SLC24A3: variants seen among roughly 807,000 people sequenced by gnomAD.
SLC24A3 encodes the protein sodium/potassium/calcium exchanger 3.
SLC24A3 carries 28 observed loss-of-function variants against 75.8 expected under a neutral mutation model. The ratio of observed to expected loss-of-function variants is 0.37; its 90% CI spans 0.27 to 0.51. The LOEUF (loss-of-function observed/expected upper bound fraction) is 0.51, where lower values mean the gene tolerates loss of function less well. SLC24A3 is among the 20% of genes least tolerant of loss of function. The pLI is 0.94. For missense variants in SLC24A3, 663 were observed against 847.8 expected, an observed-to-expected ratio of 0.78 and a Z score of 2.71; for synonymous variants, 372 against 334.1, an observed-to-expected ratio of 1.11 and a Z score of -1.24.
At chr20:19,598,921 C>G (rs1017172084) in intron 6 of SLC24A3, among the ~76,000 whole-genome samples, 1 of 151,660 alleles carries the variant, frequency 6.6e-6, no homozygotes, top group Non-Finnish European at 1.5e-5. Context: ...CACACACACA[C>G]GCACACACAC....
intron 2 of SLC24A3, among the ~76,000 whole-genome samples, chr20:19,291,091 C>T (rs1983930937): frequency 6.6e-6 from 1 of 152,172 alleles, no homozygotes; most frequent in South Asian, 2.1e-4. Flanking sequence ...TCAGCACTTG[C>T]CACTCCCACC....
intron 6 of SLC24A3, among the ~76,000 whole-genome samples, chr20:19,595,192 T>A (rs765315076): frequency 2.6e-5 from 4 of 152,176 alleles, no homozygotes; most frequent in Non-Finnish European, 5.9e-5. Flanking sequence ...AAATGCATGA[T>A]GTGTCTAAGC....
intron 2 of SLC24A3, among the ~76,000 whole-genome samples, chr20:19,312,410 A>C (rs2122262823): frequency 6.6e-6 from 1 of 152,272 alleles, no homozygotes; most frequent in Admixed American, 6.5e-5. Context: ...AAACTTGAAG[A>C]ATCATTTAAG....
chr20:19,575,826 C>A (rs922845763), intron 3 of SLC24A3, among the ~76,000 whole-genome samples: 1 of 152,162 alleles, frequency 6.6e-6, no homozygotes, highest in Non-Finnish European at 1.5e-5. Context: ...TGACAGGCAG[C>A]CCCAAAAAGT....
chr20:19,523,615 C>T (rs1209588609), intron 3 of SLC24A3, among the ~76,000 whole-genome samples: 2 of 152,212 alleles, frequency 1.3e-5, no homozygotes, highest in East Asian at 3.8e-4. Context: ...GGATATAAAG[C>T]ATGACGGCTT....
chr20:19,713,701 A>T (rs1168935228), intron 15 of SLC24A3, among the ~76,000 whole-genome samples: 1 of 152,112 alleles, frequency 6.6e-6, no homozygotes, highest in Non-Finnish European at 1.5e-5. Flanking sequence ...AAGGAAGTGG[A>T]CCCAGCCCCC....
intron 15 of SLC24A3, among the ~76,000 whole-genome samples, chr20:19,712,861 G>A (rs571106870): frequency 7.9e-5 from 12 of 152,286 alleles, no homozygotes; most frequent in East Asian, 5.8e-4. Context: ...AAAATGATGC[G>A]GATATAAAAG....
intron 2 of SLC24A3, among the ~76,000 whole-genome samples, chr20:19,382,327 A>G (rs1471470742): frequency 5.3e-5 from 8 of 152,212 alleles, no homozygotes; most frequent in Admixed American, 5.2e-4. Flanking sequence ...AGACTCGATT[A>G]CTGTTGATGA....
intron 3 of SLC24A3, among the ~76,000 whole-genome samples, chr20:19,548,007 GTTC>G (rs2030629051): frequency 6.6e-6 from 1 of 152,214 alleles, no homozygotes; most frequent in South Asian, 2.1e-4. Context: ...TATTTTTAGA[GTTC>G]TTCTTCTGAC....
intron 6 of SLC24A3, among the ~76,000 whole-genome samples, chr20:19,611,978 C>G (rs577137264): frequency 6.6e-6 from 1 of 152,180 alleles, no homozygotes; most frequent in Admixed American, 6.5e-5. Flanking sequence ...GTTGCTTTTT[C>G]TCTCCTCCCC....
intron 15 of SLC24A3, among the ~76,000 whole-genome samples, chr20:19,714,414 A>C (rs1019488598): frequency 8.5e-5 from 11 of 128,762 alleles, no homozygotes; most frequent in Admixed American, 3.4e-4. Context: ...CTAAAAAAAA[A>C]AAAAAAAAAA....
chr20:19,516,509 G>T (rs1404417611), intron 3 of SLC24A3, among the ~76,000 whole-genome samples: 1 of 152,246 alleles, frequency 6.6e-6, no homozygotes, highest in African/African-American at 2.4e-5. Flanking sequence ...CAGTGGGAAT[G>T]CTGCTCCACG....
intron 15 of SLC24A3, among the ~76,000 whole-genome samples, chr20:19,699,060 C>A (rs1419944879): frequency 2.0e-5 from 3 of 152,190 alleles, no homozygotes; most frequent in Admixed American, 2.0e-4. Flanking sequence ...AATTTTATAT[C>A]ATTTTTATAT....
intron 2 of SLC24A3, among the ~76,000 whole-genome samples, chr20:19,462,239 C>A (rs1600239441): frequency 6.6e-6 from 1 of 152,054 alleles, no homozygotes; most frequent in South Asian, 2.1e-4. Context: ...GCTTCTGATT[C>A]CGTGGGTGTG....
intron 2 of SLC24A3, among the ~76,000 whole-genome samples, chr20:19,302,050 T>C (rs938921052): frequency 6.6e-6 from 1 of 152,224 alleles, no homozygotes; most frequent in Non-Finnish European, 1.5e-5. Flanking sequence ...TCTAGTAACA[T>C]GCCCATGAGT....
chr20:19,675,034 C>T (rs1054087440), intron 9 of SLC24A3, among the ~76,000 whole-genome samples: 9 of 152,122 alleles, frequency 5.9e-5, no homozygotes, highest in Non-Finnish European at 7.4e-5. Context: ...GGTGACAGAG[C>T]GAGACTCCAT....
At chr20:19,654,792 C>T (rs528720328) in intron 7 of SLC24A3, among the ~76,000 whole-genome samples, 10 of 151,994 alleles carry the variant, frequency 6.6e-5, no homozygotes, top group Admixed American at 2.0e-4. Context: ...GGACTACAGG[C>T]GTGCACCACC....
Position 19,515,489 on chromosome 20 carries a change from C to T in SLC24A3, c.273C>T (p.Ala91=), listed in dbSNP as rs1326707496. Residue 91 remains alanine, a splice_region_variant and synonymous_variant, in exon 3 of 17, where the codon GCC becomes GCT. Coordinates refer to ENST00000328041, the MANE Select transcript of SLC24A3 (RefSeq NM_020689.4). ...LRNSKNCTEP[A]LHEFPNDIFT... ...CGGTTTTCTTTCTCTGTTCTTTAGCCCTGCATGAATTCCCCAATGACATCT... is the reference window on the plus strand; with the variant it reads ...CGGTTTTCTTTCTCTGTTCTTTAGCTCTGCATGAATTCCCCAATGACATCT... 1.2e-6 allele frequency: 2 copies of T among 1,614,094 alleles called. No individual in the cohort carries two copies. Among genetic ancestry groups the T allele is most frequent in the Non-Finnish European group, 1.7e-6 (2 of 1,179,968 alleles).
At chr20:19,241,689 GGACA>G (rs750582846) in intron 1 of SLC24A3, among the ~76,000 whole-genome samples, 493 of 152,320 alleles carry the variant, frequency 3.2e-3, no homozygotes, top group Non-Finnish European at 6.1e-3. Flanking sequence ...TGGTGCTTGT[GGACA>G]GATAACGGTG....
Sources: allele counts gnomAD v4.1 joint callset (sites outside exome capture counted in the v4.1 genomes callset), GRCh38; gene constraint gnomAD v4.1.1; transcripts MANE v1.5; gene names NCBI Gene and HGNC (gene_info 2026-07-23, HGNC 2026-07-21).